Variants in SETD5 observed in about 807,000 individuals in gnomAD.
The protein encoded by SETD5 is SET domain containing 5, also known as histone-lysine N-methyltransferase SETD5.
SETD5 carries 44 observed loss-of-function variants against 153.3 expected under a neutral mutation model. That is an observed-to-expected ratio of 0.29 (90% CI 0.23 to 0.37). The LOEUF (loss-of-function observed/expected upper bound fraction) is 0.37. SETD5 is among the 10% of genes least tolerant of loss of function. SETD5 has a pLI of 1.00. For synonymous variants in SETD5, 716 were observed against 645.2 expected, an observed-to-expected ratio of 1.11 and a Z score of -1.66; for missense variants, 1,544 against 1,768.0, an observed-to-expected ratio of 0.87 and a Z score of 2.27.
chr3:9,436,638 TA>T (rs964304768), intron 7 of SETD5, among the ~76,000 whole-genome samples: 1 of 152,212 alleles, frequency 6.6e-6, no homozygotes, highest in Non-Finnish European at 1.5e-5. Context: ...AGCTTCACAG[TA>T]GAAAGTATTA....
chr3:9,411,368 A>G (rs1431920274), intron 1 of SETD5, among the ~76,000 whole-genome samples: 1 of 152,242 alleles, frequency 6.6e-6, no homozygotes, highest in Non-Finnish European at 1.5e-5. Context: ...TAAATAAAAT[A>G]TTAAAACTTT....
At chr3:9,449,859 A>G (rs1364036299) in intron 16 of SETD5, among the ~76,000 whole-genome samples, 3 of 152,244 alleles carry the variant, frequency 2.0e-5, no homozygotes, top group Non-Finnish European at 4.4e-5. Context: ...TAGAATTCCT[A>G]AAGAGAAATT....
At position 9,475,681 on chromosome 3, in the gene SETD5, T is replaced by C. The variant is rs768635008; in HGVS notation, c.3919T>C (p.Ser1307Pro). ...CTATTCCAGCCCCGCCCACCCTGTG[T>C]CCACAGACTCGTTGGCCCCATTTAC... The part of the protein sequence containing the change: ...TSYSSPAHPV[S>P]TDSLAPFTGT... Residue 1307 changes from serine (S) to proline (P), a missense_variant, in exon 23 of 23, where the codon TCC (serine) becomes CCC (proline). Coordinates refer to ENST00000402198, the MANE Select transcript of SETD5 (RefSeq NM_001080517.3). 66 of 1,613,870 alleles carry C rather than the reference T, an allele frequency of 4.1e-5. No individual in the cohort carries two copies. The highest frequency in any genetic ancestry group is 1.2e-4 in the Admixed American group (7 of 60,010).
In SETD5 at chr3:9,473,327, C is replaced by G; in HGVS notation, c.3287C>G (p.Ser1096Cys). The G allele has an allele frequency of 6.2e-7, 1 of 1,613,998 alleles. No individual in the cohort carries two copies. Among genetic ancestry groups the G allele is most frequent in the East Asian group, 2.2e-5 (1 of 44,880 alleles). Residue 1096 changes from serine to cysteine, a missense_variant, in exon 20 of 23, where the codon TCT becomes TGT. Physicochemically the swap from Ser to Cys is moderately radical, Grantham distance 112. Coordinates refer to ENST00000402198, the MANE Select transcript of SETD5 (RefSeq NM_001080517.3). ...GACTCTGCACAGAGCAAAAGCAAGTCTGCAGGAGCTGGGCAAGGCAGCAGT... is the reference window on the plus strand; with the variant it reads ...GACTCTGCACAGAGCAAAAGCAAGTGTGCAGGAGCTGGGCAAGGCAGCAGT... ...GGDSAQSKSK[S>C]AGAGQGSSNS...
At chr3:9,465,309 A>G (rs9863453) in intron 18 of SETD5, among the ~76,000 whole-genome samples, 210 of 152,336 alleles carry the variant, frequency 1.4e-3, no homozygotes, top group African/African-American at 4.7e-3. Context: ...TAAGTTAGAA[A>G]TGTCTGCCTC....
chr3:9,437,549 G>A (rs2040731646), intron 7 of SETD5, among the ~76,000 whole-genome samples: 1 of 151,422 alleles, frequency 6.6e-6, no homozygotes, highest in African/African-American at 2.4e-5. Context: ...GTGTGTGTGT[G>A]TATAAATATA....
chr3:9,453,940 A>T lies in SETD5; in HGVS notation c.2476+72A>T, dbSNP rs2042922773. 4 of 1,407,694 alleles carry T rather than the reference A, an allele frequency of 2.8e-6. No individual in the cohort carries two copies. In the Admixed American group the frequency reaches 9.3e-5, roughly 33 times the overall value. The allele number at this position is 1,407,694 out of a possible 1,614,324, so 87.2% of individuals were successfully genotyped here. On this transcript the variant is annotated intron_variant, in intron 17 of 22. Coordinates refer to ENST00000402198, the MANE Select transcript of SETD5 (RefSeq NM_001080517.3). ...GGTCTGCATAAAAAATTTAAGTATGAGTATTTCTGATACAAAAAGAAATGG... is the reference window on the plus strand; with the variant it reads ...GGTCTGCATAAAAAATTTAAGTATGTGTATTTCTGATACAAAAAGAAATGG...
chr3:9,400,183 C>T (rs1026508074), intron 1 of SETD5, among the ~76,000 whole-genome samples: 17 of 152,172 alleles, frequency 1.1e-4, no homozygotes, highest in Admixed American at 8.5e-4. Flanking sequence ...TGGATATTGG[C>T]ATCTGGAAAC....
intron 17 of SETD5, among the ~76,000 whole-genome samples, chr3:9,454,438 G>A (rs988143888): frequency 1.3e-5 from 2 of 151,860 alleles, no homozygotes; most frequent in South Asian, 4.2e-4. Flanking sequence ...GGCCAACATG[G>A]TGAAACCCTG....
rs755982247 is a variant in SETD5 at position 9,448,597 on chromosome 3, T to C, written c.2313T>C (p.Leu771=). Reference sequence around the variant, plus strand: ...TCCCTGAGAGACGTCGAAGGCCCCTTCTGCCTGATGGCACATTCAGCTCCT... The same window carrying C: ...TCCCTGAGAGACGTCGAAGGCCCCTCCTGCCTGATGGCACATTCAGCTCCT... The part of the protein sequence containing the change: ...PFIPERRRRP[L]LPDGTFSSCK... Residue 771 remains leucine, a synonymous_variant, in exon 16 of 23, where the codon CTT becomes CTC. Coordinates refer to ENST00000402198, the MANE Select transcript of SETD5 (RefSeq NM_001080517.3). 2.5e-6 allele frequency: 4 copies of C among 1,605,718 alleles called. No homozygotes were observed. In the Admixed American group the frequency reaches 6.7e-5, roughly 27 times the overall value.
At chr3:9,430,121 G>A in intron 3 of SETD5, 4 of 1,021,778 alleles carry the variant, frequency 3.9e-6, no homozygotes, top group Non-Finnish European at 4.7e-6. Context: ...TCCCCCTTCA[G>A]CAAAGCAAAG....
chr3:9,422,581 G>C (rs1559376197), intron 1 of SETD5, among the ~76,000 whole-genome samples: 1 of 152,120 alleles, frequency 6.6e-6, no homozygotes, highest in Non-Finnish European at 1.5e-5. Context: ...ATTTATAAAA[G>C]TAAAAAATGT....
intron 1 of SETD5, among the ~76,000 whole-genome samples, chr3:9,414,807 G>A (rs2037163664): frequency 6.6e-6 from 1 of 151,946 alleles, no homozygotes; most frequent in Admixed American, 6.6e-5. Context: ...TAAAAATCTG[G>A]AGCATGGATT....
chr3:9,432,710 T>C (rs1246953430), intron 3 of SETD5, among the ~76,000 whole-genome samples: 1 of 152,228 alleles, frequency 6.6e-6, no homozygotes, highest in Non-Finnish European at 1.5e-5. Flanking sequence ...ATTTTTATCC[T>C]TTGCCATCAA....
chr3:9,427,799 A>G (rs2039486380), intron 2 of SETD5, among the ~76,000 whole-genome samples: 1 of 152,234 alleles, frequency 6.6e-6, no homozygotes, highest in East Asian at 1.9e-4. Context: ...TGTTTTTTAC[A>G]CTACTGTAAA....
At chr3:9,421,436 C>T (rs563330985) in intron 1 of SETD5, among the ~76,000 whole-genome samples, 26 of 152,164 alleles carry the variant, frequency 1.7e-4, no homozygotes, top group Non-Finnish European at 3.1e-4. Flanking sequence ...CCGCACCTGG[C>T]CTCTAAGAGT....
intron 1 of SETD5, among the ~76,000 whole-genome samples, chr3:9,422,722 G>A (rs1315253480): frequency 6.6e-6 from 1 of 152,216 alleles, no homozygotes; most frequent in Non-Finnish European, 1.5e-5. Context: ...TGTTTTGTCA[G>A]ACACTGAAAT....
At chr3:9,430,440 G>GTTTGT (rs1362573731) in intron 3 of SETD5, 2 of 738,864 alleles carry the variant, frequency 2.7e-6, no homozygotes, top group African/African-American at 1.9e-5. Flanking sequence ...TTTTGTTTTT[G>GTTTGT]TTTGTTTTGT....
At chr3:9,473,190 T>G in intron 19 of SETD5, 46 bp from the exon 20 acceptor site, 2 of 1,576,754 alleles carry the variant, frequency 1.3e-6, no homozygotes, top group Non-Finnish European at 1.7e-6. Flanking sequence ...ACTAATGATA[T>G]CCAGATAGAG....
Sources: gnomAD v4.1 joint callset for allele counts (sites outside exome capture counted in the v4.1 genomes callset) on GRCh38, gnomAD v4.1.1 for gene constraint, MANE v1.5 for transcripts, NCBI Gene and HGNC (gene_info 2026-07-23, HGNC 2026-07-21) for gene names.